NOP58: variants seen among roughly 807,000 people sequenced by gnomAD.
NOP58 encodes the protein nucleolar protein 58.
NOP58 carries 44 observed loss-of-function variants against 71.2 expected under a neutral mutation model. That is an observed-to-expected ratio of 0.62 (90% CI 0.49 to 0.79). NOP58 has a LOEUF of 0.79. Ranked by LOEUF, NOP58 falls within the 30% of genes least tolerant of loss-of-function variation. NOP58 has a pLI of 0.00. For synonymous variants in NOP58, 228 were observed against 200.3 expected (o/e 1.14, Z -1.17); for missense variants, 538 against 620.2 (o/e 0.87, Z 1.41).
At chr2:202,276,529 GTTTC>G (rs1559260588) in intron 2 of NOP58, 3 of 506,776 alleles carry the variant, frequency 5.9e-6, no homozygotes, top group Admixed American at 3.9e-5. Context: ...TCAACTATAT[GTTTC>G]TTTCTGGATA....
At chr2:202,274,675 T>C (rs1417111738) in intron 1 of NOP58, among the ~76,000 whole-genome samples, 2 of 151,946 alleles carry the variant, frequency 1.3e-5, no homozygotes, top group Non-Finnish European at 2.9e-5. Flanking sequence ...GGCACTAGAA[T>C]CTCATAAACC....
At chr2:202,285,042 T>G (rs761814643) in intron 5 of NOP58, among the ~76,000 whole-genome samples, 1 of 151,934 alleles carries the variant, frequency 6.6e-6, no homozygotes, top group Admixed American at 6.6e-5. Context: ...TTTGTTTTGT[T>G]TTTGTTTTGT....
chr2:202,301,838 C>T (rs1479004225), intron 13 of NOP58, among the ~76,000 whole-genome samples: 2 of 152,110 alleles, frequency 1.3e-5, no homozygotes, highest in Admixed American at 6.5e-5. Flanking sequence ...CTAAAATGGC[C>T]ATATATACTG....
Position 202,303,444 on chromosome 2 carries a change from G to T in NOP58, c.*8G>T. On this transcript the variant is annotated 3_prime_UTR_variant, in exon 15 of 15. Coordinates refer to ENST00000264279, the MANE Select transcript of NOP58 (RefSeq NM_015934.5). ...AGAGAGAACGAGGATTAACAGAAAG[G>T]AATTACGATTATATCACCCGGACAC... 2 of 1,608,400 alleles carry T rather than the reference G, an allele frequency of 1.2e-6. No homozygotes were observed. The highest frequency in any genetic ancestry group is 1.1e-5 in the South Asian group (1 of 90,638).
chr2:202,293,203 A>C (rs540387032), intron 9 of NOP58: 31 of 541,914 alleles, frequency 5.7e-5, no homozygotes, highest in Admixed American at 3.8e-4. Context: ...AGGATAAAAC[A>C]GTTAACATTT....
chr2:202,292,825 A>G lies in NOP58; in HGVS notation c.829A>G (p.Asn277Asp). The change falls in exon 9 of 15, where the codon AAT (asparagine) becomes GAT (aspartate). Residue 277 changes from asparagine (N) to aspartate (D), a missense_variant. Coordinates refer to ENST00000264279, the MANE Select transcript of NOP58 (RefSeq NM_015934.5). Reference protein sequence around the residue: ...YRTQLYEYLQNRMMAIAPNVT... With the variant: ...YRTQLYEYLQDRMMAIAPNVT... ...AACCCAGCTCTATGAATATCTACAA[A>G]ATCGAATGATGGCCATTGCACCCAA... is the stretch of plus-strand genomic sequence containing the variant. The G allele has an allele frequency of 6.2e-7, 1 of 1,613,324 alleles. No homozygotes were observed. Among genetic ancestry groups the G allele is most frequent in the Non-Finnish European group, 8.5e-7 (1 of 1,179,256 alleles).
At chr2:202,270,522 G>A (rs139227265) in intron 1 of NOP58, among the ~76,000 whole-genome samples, 37 of 152,260 alleles carry the variant, frequency 2.4e-4, no homozygotes, top group African/African-American at 8.9e-4. Context: ...AGTGGCTCAC[G>A]CCTGTCACCC....
intron 1 of NOP58, among the ~76,000 whole-genome samples, chr2:202,274,185 C>T (rs1010388370): frequency 8.6e-5 from 13 of 151,984 alleles, no homozygotes; most frequent in African/African-American, 2.4e-4. Flanking sequence ...CAGTAAATAA[C>T]GAATATAATC....
chr2:202,295,223 G>A (rs2105854132), intron 9 of NOP58, among the ~76,000 whole-genome samples: 1 of 152,260 alleles, frequency 6.6e-6, no homozygotes, highest in African/African-American at 2.4e-5. Flanking sequence ...GCACAGGTAG[G>A]GGACTATTAA....
intron 3 of NOP58, 63 bp from the exon 4 acceptor site, chr2:202,282,288 G>A: frequency 6.9e-7 from 1 of 1,445,940 alleles, no homozygotes; most frequent in Non-Finnish European, 9.4e-7. Flanking sequence ...GTGTCAACTA[G>A]GGCAAGGTCT....
intron 1 of NOP58, among the ~76,000 whole-genome samples, chr2:202,266,279 T>C (rs1330679589): frequency 6.6e-6 from 1 of 151,854 alleles, no homozygotes; most frequent in Non-Finnish European, 1.5e-5. Flanking sequence ...TTATTCTAGA[T>C]GTTTTGAGGA....
chr2:202,302,083 C>CTTTTTTTTTTTTTTTTTTTTTTTTTTT (rs71031885), intron 13 of NOP58, among the ~76,000 whole-genome samples: 14 of 90,588 alleles, frequency 1.5e-4, no homozygotes, highest in Non-Finnish European at 2.3e-4. Flanking sequence ...TTTTTTTTTT[C>CTTTTTTTTTTTTTTTTTTTTTTTTTTT]TTTTTTTTTT....
intron 3 of NOP58, among the ~76,000 whole-genome samples, chr2:202,280,617 C>A (rs1389312029): frequency 6.6e-6 from 1 of 150,968 alleles, no homozygotes; most frequent in Non-Finnish European, 1.5e-5. Flanking sequence ...CAAGCATGAG[C>A]CACCGTGCCT....
intron 9 of NOP58, among the ~76,000 whole-genome samples, chr2:202,293,505 TTA>T (rs1237818261): frequency 1.3e-5 from 2 of 152,258 alleles, no homozygotes; most frequent in Admixed American, 1.3e-4. Flanking sequence ...TTCATCATTT[TTA>T]TGTTACTTGG....
At chr2:202,278,158 G>T in intron 3 of NOP58, 156 bp downstream of exon 3, 1 of 732,648 alleles carries the variant, frequency 1.4e-6, no homozygotes, top group East Asian at 2.6e-5. Context: ...TAAGTGATCT[G>T]ACTCATTCGT....
intron 13 of NOP58, among the ~76,000 whole-genome samples, chr2:202,301,073 C>T (rs1689083519): frequency 1.3e-5 from 2 of 152,070 alleles, no homozygotes; most frequent in Admixed American, 6.5e-5. Flanking sequence ...TAAGGAGATC[C>T]CTAAACCCAC....
chr2:202,290,227 A>G (rs1417910983), intron 6 of NOP58, 96 bp from the exon 7 acceptor site: 1 of 988,450 alleles, frequency 1.0e-6, no homozygotes, highest in East Asian at 2.6e-5. Flanking sequence ...GACATGAGCC[A>G]CCGTGCCCAG....
chr2:202,297,256 T>TA (rs1245432982), intron 10 of NOP58, 123 bp from the exon 11 acceptor site: 4 of 857,068 alleles, frequency 4.7e-6, no homozygotes, highest in African/African-American at 3.4e-5. Context: ...AAGGTTGAAA[T>TA]ACGATGGATG....
intron 6 of NOP58, among the ~76,000 whole-genome samples, chr2:202,289,106 T>C (rs572952804): frequency 3.3e-5 from 5 of 151,926 alleles, no homozygotes; most frequent in African/African-American, 1.2e-4. Flanking sequence ...GGTGATGGAG[T>C]TAGACTCTGT....
Sources: gnomAD v4.1 joint callset for allele counts (sites outside exome capture counted in the v4.1 genomes callset) on GRCh38, gnomAD v4.1.1 for gene constraint, MANE v1.5 for transcripts, NCBI Gene and HGNC (gene_info 2026-07-23, HGNC 2026-07-21) for gene names.